HIF1A: variants seen among roughly 807,000 people sequenced by gnomAD.
HIF1A encodes the protein hypoxia inducible factor 1 subunit alpha.
HIF1A carries 24 observed loss-of-function variants against 92.7 expected under a neutral mutation model. The observed-to-expected ratio is 0.26, with a 90% CI of 0.19 to 0.36. The LOEUF (loss-of-function observed/expected upper bound fraction) is 0.36, where lower values mean the gene tolerates loss of function less well. Ranked by LOEUF, HIF1A falls within the 10% of genes least tolerant of loss-of-function variation. HIF1A has a pLI of 1.00. For missense variants in HIF1A, 799 were observed against 998.5 expected, an observed-to-expected ratio of 0.80 and a Z score of 2.69; for synonymous variants, 319 against 338.7, an observed-to-expected ratio of 0.94 and a Z score of 0.64.
At chr14:61,721,687 A>G (rs550286440) in intron 3 of HIF1A, 33 bp downstream of exon 3, 3 of 1,610,492 alleles carry the variant, frequency 1.9e-6, no homozygotes, top group Admixed American at 1.7e-5. Flanking sequence ...GCTCTTCTAT[A>G]TGTTTTTATG....
chr14:61,696,094 C>T, intron 1 of HIF1A, among the ~76,000 whole-genome samples: 1 of 152,186 alleles, frequency 6.6e-6, no homozygotes, highest in East Asian at 1.9e-4. Context: ...GCCCTGCTTG[C>T]CCTCCCCGCC....
chr14:61,732,557 A>G lies in HIF1A; in HGVS notation c.880+33A>G, dbSNP rs749283315. On this transcript the variant is annotated intron_variant, in intron 7 of 14. Coordinates refer to ENST00000337138, the MANE Select transcript of HIF1A (RefSeq NM_001530.4). ...CAATGGAAGAACTCAGAGATATTCT[A>G]ATTACTTAACTGTTGCAACCTCTGT... The G allele has an allele frequency of 1.5e-5, 20 of 1,328,794 alleles. No individual in the cohort carries two copies. In the South Asian group the frequency reaches 1.5e-4, roughly 10 times the overall value. The allele number at this position is 1,328,794 out of a possible 1,614,324, so 82.3% of individuals were successfully genotyped here.
intron 6 of HIF1A, among the ~76,000 whole-genome samples, chr14:61,730,681 C>T (rs2044565968): frequency 6.6e-6 from 1 of 152,154 alleles, no homozygotes; most frequent in South Asian, 2.1e-4. Flanking sequence ...AATAGATTCT[C>T]ATCACTGCAT....
rs1340954723 is a variant in HIF1A at position 61,744,752 on chromosome 14, A to G, written c.2141A>G (p.Gln714Arg). 30 of 1,602,570 alleles carry G rather than the reference A, an allele frequency of 1.9e-5. No individual in the cohort carries two copies. The Admixed American group carries it at 5.0e-4, about 27-fold the overall frequency. ...CTAAATCCAAAGATACTAGCTTTGC[A>G]GAATGCTCAGAGAAAGCGAAAAATG... ...EELNPKILAL[Q>R]NAQRKRKMEH... The change falls in exon 13 of 15, where the codon CAG becomes CGG. Residue 714 changes from glutamine (Q) to arginine (R), a missense_variant. By Grantham distance (43) the Gln-to-Arg change is conservative (BLOSUM62 1). Around this residue, in one of 2 missense-constraint regions of HIF1A, gnomAD observed 283 missense variants for 277.5 expected, o/e 1.02. Coordinates refer to ENST00000337138, the MANE Select transcript of HIF1A (RefSeq NM_001530.4).
Position 61,720,414 on chromosome 14 carries a change from G to A in HIF1A, c.68G>A (p.Arg23Gln). Residue 23 changes from arginine to glutamine, a missense_variant, in exon 2 of 15, where the codon CGA becomes CAA. Coordinates refer to ENST00000337138, the MANE Select transcript of HIF1A (RefSeq NM_001530.4). ...ISSERRKEKS[R>Q]DAARSRRSKE... Reference sequence around the variant, plus strand: ...TCTGAACGTCGAAAAGAAAAGTCTCGAGATGCAGCCAGATCTCGGCGAAGT... The same window carrying A: ...TCTGAACGTCGAAAAGAAAAGTCTCAAGATGCAGCCAGATCTCGGCGAAGT... 1.2e-6 allele frequency: 2 copies of A among 1,611,850 alleles called. No individual in the cohort carries two copies. Among genetic ancestry groups the A allele is most frequent in the Non-Finnish European group, 1.7e-6 (2 of 1,179,390 alleles).
At chr14:61,719,816 C>T (rs1566566742) in intron 1 of HIF1A, among the ~76,000 whole-genome samples, 1 of 152,148 alleles carries the variant, frequency 6.6e-6, no homozygotes, top group Non-Finnish European at 1.5e-5. Flanking sequence ...CCTGCACTGG[C>T]TTATAGCTGC....
chr14:61,704,456 A>G (rs1218456487), intron 1 of HIF1A, among the ~76,000 whole-genome samples: 10 of 152,238 alleles, frequency 6.6e-5, no homozygotes, highest in African/African-American at 2.2e-4. Flanking sequence ...TCTCAAAGCT[A>G]TTTATTTGGG....
chr14:61,737,310 A>G (rs2044649379), intron 9 of HIF1A, among the ~76,000 whole-genome samples: 1 of 152,188 alleles, frequency 6.6e-6, no homozygotes, highest in Non-Finnish European at 1.5e-5. Flanking sequence ...ATACTGTTGG[A>G]AATTGTGCTT....
chr14:61,708,234 T>C (rs570960648), intron 1 of HIF1A, among the ~76,000 whole-genome samples: 2 of 152,324 alleles, frequency 1.3e-5, no homozygotes, highest in African/African-American at 2.4e-5. Flanking sequence ...TTGCAAAAAT[T>C]TTCTCCCATT....
At chr14:61,741,364 CTT>C (rs34138408) in intron 12 of HIF1A, among the ~76,000 whole-genome samples, 176 bp downstream of exon 12, 1 of 137,040 alleles carries the variant, frequency 7.3e-6, no homozygotes, top group African/African-American at 2.7e-5. Context: ...CTTTTTCTTT[CTT>C]TTTTTTTTTT....
chr14:61,740,025 T>C (rs1394284765), intron 10 of HIF1A: 2 of 151,804 alleles, frequency 1.3e-5, no homozygotes, highest in African/African-American at 4.8e-5. Context: ...CAAAATTAGT[T>C]ACCAGTATAA....
In HIF1A at chr14:61,695,728, G is replaced by A; in HGVS notation, c.-77G>A. 1 of 1,487,038 alleles carries A rather than the reference G, an allele frequency of 6.7e-7. No individual in the cohort carries two copies. Among genetic ancestry groups the A allele is most frequent in the Non-Finnish European group, 9.2e-7 (1 of 1,090,684 alleles). The allele number at this position is 1,487,038 out of a possible 1,614,324, so 92.1% of individuals were successfully genotyped here. A position where few individuals can be genotyped will look rare whatever the true frequency, so the allele number is the denominator to read the frequency against. The stretch of plus-strand genomic sequence containing the variant: ...TTGCCTTTCCTTCTCTTCTCCGCGT[G>A]TGGAGGGAGCCAGCGCTTAGGCCGG... On this transcript the variant is annotated 5_prime_UTR_variant, in exon 1 of 15. In the 5' UTR this introduces an upstream ATG that the reference lacks. Transcript: ENST00000337138.
Position 61,695,627 on chromosome 14 carries a change from C to T in HIF1A, c.-178C>T. 2 of 664,868 alleles carry T rather than the reference C, an allele frequency of 3.0e-6. No homozygotes were observed. The highest frequency in any genetic ancestry group is 5.1e-6 in the Non-Finnish European group (2 of 394,150). The allele number at this position is 664,868 out of a possible 1,614,324, so 41.2% of individuals were successfully genotyped here. ...CCTGAGGAGAGGCTCGGAGCCGGGCCCGGACCCCGGCGATTGCCGCCCGCT... is the reference window on the plus strand; with the variant it reads ...CCTGAGGAGAGGCTCGGAGCCGGGCTCGGACCCCGGCGATTGCCGCCCGCT... On this transcript the variant is annotated 5_prime_UTR_variant, in exon 1 of 15. Coordinates refer to ENST00000337138, the MANE Select transcript of HIF1A (RefSeq NM_001530.4).
At chr14:61,738,966 G>A (rs552103276) in intron 10 of HIF1A, among the ~76,000 whole-genome samples, 63 of 152,136 alleles carry the variant, frequency 4.1e-4, no homozygotes, top group African/African-American at 1.5e-3. Flanking sequence ...GCTCAGGCTG[G>A]TTTTAAACTC....
intron 6 of HIF1A, among the ~76,000 whole-genome samples, chr14:61,729,495 G>A (rs977404328): frequency 2.0e-5 from 3 of 150,692 alleles, no homozygotes; most frequent in African/African-American, 7.3e-5. Context: ...AAAGACCTCA[G>A]AAGGATGTTG....
chr14:61,747,814 C>T lies in HIF1A; in HGVS notation c.*729C>T. ...GATAAAATTCTCAATTCAGAGAAAT[C>T]ATCTGATGTTTCTATAGTCACTTTG... On this transcript the variant is annotated 3_prime_UTR_variant, in exon 15 of 15. Coordinates refer to ENST00000337138, the MANE Select transcript of HIF1A (RefSeq NM_001530.4). 6.6e-6 allele frequency: 1 copy of T among 152,528 alleles called. No homozygotes were observed. 9.4% of individuals were successfully genotyped at this position (152,528 alleles called of 1,614,324 possible). A position where few individuals can be genotyped will look rare whatever the true frequency, so the allele number is the denominator to read the frequency against.
At chr14:61,745,583 T>A (rs1166101493) in intron 13 of HIF1A, 108 bp from the exon 14 acceptor site, 2 of 860,950 alleles carry the variant, frequency 2.3e-6, no homozygotes. Context: ...AGGGTAGTAT[T>A]TAAGAAACTG....
At chr14:61,744,524 A>AG (rs941440758) in intron 12 of HIF1A, among the ~76,000 whole-genome samples, 181 bp from the exon 13 acceptor site, 1 of 151,712 alleles carries the variant, frequency 6.6e-6, no homozygotes, top group Non-Finnish European at 1.5e-5. Flanking sequence ...CCAAAAAAAA[A>AG]AAAAAAAAAT....
intron 6 of HIF1A, among the ~76,000 whole-genome samples, chr14:61,728,981 G>GA (rs1189137606): frequency 1.3e-5 from 2 of 151,650 alleles, no homozygotes; most frequent in Admixed American, 6.6e-5. Context: ...TTAGAAGACT[G>GA]AAAAAAAATA....
Sources: allele counts gnomAD v4.1 joint callset (sites outside exome capture counted in the v4.1 genomes callset), GRCh38; gene constraint gnomAD v4.1.1; regional missense constraint gnomAD v4.1.1; transcripts MANE v1.5; gene names NCBI Gene and HGNC (gene_info 2026-07-23, HGNC 2026-07-21).